PRSS27: variants seen among roughly 807,000 people sequenced by gnomAD.
PRSS27 encodes channel-activating protease 2.
Under a neutral mutation model 32.0 loss-of-function variants are expected in PRSS27, and 25 were observed. The observed-to-expected ratio is 0.78, with a 90% confidence interval of 0.57 to 1.09. The LOEUF (loss-of-function observed/expected upper bound fraction) is 1.09. Among genes scored for constraint, PRSS27 ranks in the 50% least tolerant of loss-of-function variants. PRSS27 has a pLI of 0.00. For missense variants in PRSS27, 401 were observed against 394.9 expected (o/e 1.02, Z -0.13); for synonymous variants, 178 against 172.2 (o/e 1.03, Z -0.26).
At chr16:2,719,886 T>C (rs1161904250) in intron 1 of PRSS27, among the ~76,000 whole-genome samples, 1 of 152,062 alleles carries the variant, frequency 6.6e-6, no homozygotes, top group Admixed American at 6.5e-5. Flanking sequence ...GTTATGCCGG[T>C]GGGGTCCTCT....
At chr16:2,715,494 G>C in intron 3 of PRSS27, 1 of 505,692 alleles carries the variant, frequency 2.0e-6, no homozygotes, top group Middle Eastern at 5.1e-4. Flanking sequence ...GGGGGTCGGG[G>C]GGCGGTGCGA....
rs373839527 is a variant in PRSS27 at position 2,715,848 on chromosome 16, C to A, written c.106G>T (p.Val36Leu). 1 of 1,599,672 alleles carries A rather than the reference C, an allele frequency of 6.3e-7. No homozygotes were observed. Among genetic ancestry groups the A allele is most frequent in the East Asian group, 2.3e-5 (1 of 44,416 alleles). The change falls in exon 3 of 6, where the codon GTG becomes TTG. Residue 36 changes from valine to leucine, a missense_variant. Transcript: ENST00000302641. ...CGRPRMLNRM[V>L]GGQDTQEGEW... ...CCCTCCTGCGTGTCCTGCCCGCCCACCATTCGGTTCAGCATCCTGGGGCGA... is the reference window on the plus strand; with the variant it reads ...CCCTCCTGCGTGTCCTGCCCGCCCAACATTCGGTTCAGCATCCTGGGGCGA...
rs763866931 is a variant in PRSS27 at position 2,715,899 on chromosome 16, C to T, written c.74-19G>A. ...CCACAGGCTGGGGGAGCATGGGGAG[C>T]GGGTGGGGGCGCTCACTGGGGCTGG... On this transcript the variant is annotated intron_variant, in intron 2 of 5. Transcript: ENST00000302641. The T allele has an allele frequency of 1.3e-6, 2 of 1,536,180 alleles. No homozygotes were observed. Among genetic ancestry groups the T allele is most frequent in the Admixed American group, 3.6e-5 (2 of 55,974 alleles).
chr16:2,716,091 G>C, intron 2 of PRSS27: 1 of 521,360 alleles, frequency 1.9e-6, no homozygotes, highest in Admixed American at 3.6e-5. Flanking sequence ...TCCTCGCCGA[G>C]AAAGGCAACC....
Position 2,720,215 on chromosome 16 carries a change from G to T in PRSS27, c.-55C>A, listed in dbSNP as rs1013276998. On this transcript the variant is annotated 5_prime_UTR_variant, in exon 1 of 6. Coordinates refer to ENST00000302641, the MANE Select transcript of PRSS27 (RefSeq NM_031948.5). ...GTGGTCGGCGGTGGCAGAAGCGTTG[G>T]AGCACGAGCGAGGTGCAGGCTCCAT... is the stretch of plus-strand genomic sequence containing the variant. 13 of 1,472,364 alleles carry T rather than the reference G, an allele frequency of 8.8e-6. No individual in the cohort carries two copies. Among genetic ancestry groups the T allele is most frequent in the Non-Finnish European group, 1.0e-5 (11 of 1,077,568 alleles). The allele number at this position is 1,472,364 out of a possible 1,614,324, so 91.2% of individuals were successfully genotyped here. A position where few individuals can be genotyped will look rare whatever the true frequency, so the allele number is the denominator to read the frequency against.
chr16:2,712,913 C>G lies in PRSS27; in HGVS notation c.679-99G>C, dbSNP rs1462153830. ...TGTGTAGCTCCGCAATGGATTCCTT[C>G]TCTCCATCCCAGAGCCTCTCTGCCC... On this transcript the variant is annotated intron_variant, in intron 5 of 5. Transcript: ENST00000302641. This position sits in a 1 kb window ranked among gnomAD's most constrained non-coding sequence, Gnocchi z 4.6. 2 of 965,286 alleles carry G rather than the reference C, an allele frequency of 2.1e-6. No homozygotes were observed. The highest frequency in any genetic ancestry group is 3.3e-5 in the African/African-American group (2 of 60,496). 59.8% of individuals were successfully genotyped at this position (965,286 alleles called of 1,614,324 possible).
Position 2,715,818 on chromosome 16 carries a change from A to G in PRSS27, c.136T>C (p.Trp46Arg). The G allele has an allele frequency of 6.2e-7, 1 of 1,604,954 alleles. No individual in the cohort carries two copies. Among genetic ancestry groups the G allele is most frequent in the South Asian group, 1.1e-5 (1 of 90,114 alleles). The change falls in exon 3 of 6, where the codon TGG becomes CGG. Residue 46 changes from tryptophan (W) to arginine (R), a missense_variant. Physicochemically the swap from Trp to Arg is moderately radical, Grantham distance 101. Coordinates refer to ENST00000302641, the MANE Select transcript of PRSS27 (RefSeq NM_031948.5). ...VGGQDTQEGE[W>R]PWQVSIQRNG... is the part of the protein sequence containing the mutation. ...CGCTGGATGCTGACTTGCCAGGGCC[A>G]CTCGCCCTCCTGCGTGTCCTGCCCG...
Position 2,717,712 on chromosome 16 carries a change from G to T in PRSS27, c.47-1186C>A. 1 of 152,480 alleles carries T rather than the reference G, an allele frequency of 6.6e-6. No individual in the cohort carries two copies. Among genetic ancestry groups the T allele is most frequent in the Non-Finnish European group, 1.5e-5 (1 of 68,172 alleles). The allele number at this position is 152,480 out of a possible 1,614,324, so 9.4% of individuals were successfully genotyped here. A position where few individuals can be genotyped will look rare whatever the true frequency, so the allele number is the denominator to read the frequency against. Reference sequence around the variant, plus strand: ...GGCTGTGGGGACAGGAAGTGGCCATGGAGGGCCCAAGCACCCCCAGGGTTT... The same window carrying T: ...GGCTGTGGGGACAGGAAGTGGCCATTGAGGGCCCAAGCACCCCCAGGGTTT... On this transcript the variant is annotated intron_variant, in intron 1 of 5. Coordinates refer to ENST00000302641, the MANE Select transcript of PRSS27 (RefSeq NM_031948.5). This position sits in a 1 kb window ranked among gnomAD's most constrained non-coding sequence, Gnocchi z 4.1.
rs550374937 is a variant in PRSS27 at position 2,712,623 on chromosome 16, C to A, written c.870G>T (p.Lys290Asn). ...QFQPARLGGQK is the reference protein window; with the variant it reads ...QFQPARLGGQN ...GGGGCTCCTGGCCCCGGGGGTCTCACTTCTGGCCGCCCAACCTCGCTGGCT... is the reference window on the plus strand; with the variant it reads ...GGGGCTCCTGGCCCCGGGGGTCTCAATTCTGGCCGCCCAACCTCGCTGGCT... The change falls in exon 6 of 6, where the codon AAG becomes AAT. Residue 290 changes from lysine to asparagine, a missense_variant. Lys to Asn is a moderately conservative substitution (Grantham distance 94, BLOSUM62 0). Transcript: ENST00000302641. This position sits in a 1 kb window ranked among gnomAD's most constrained non-coding sequence, Gnocchi z 4.6. The A allele has an allele frequency of 1.9e-6, 3 of 1,580,264 alleles. No individual in the cohort carries two copies. The highest frequency in any genetic ancestry group is 1.7e-6 in the Non-Finnish European group (2 of 1,162,920).
At chr16:2,713,783 T>C in intron 4 of PRSS27, 85 bp from the exon 5 acceptor site, 2 of 1,443,300 alleles carry the variant, frequency 1.4e-6, no homozygotes, top group Non-Finnish European at 1.9e-6. Flanking sequence ...CCATCCTGCC[T>C]GTCGTTTCCT....
intron 1 of PRSS27, among the ~76,000 whole-genome samples, chr16:2,718,855 G>A (rs1466465349): frequency 3.9e-5 from 6 of 152,110 alleles, no homozygotes; most frequent in East Asian, 1.9e-4. Flanking sequence ...ATGTGTGGAT[G>A]GACACAAGTG....
At position 2,717,181 on chromosome 16, in the gene PRSS27, G is replaced by A. The variant is rs912839257; in HGVS notation, c.47-655C>T. 6.6e-6 allele frequency: 1 copy of A among 152,616 alleles called. No individual in the cohort carries two copies. The highest frequency in any genetic ancestry group is 2.4e-5 in the African/African-American group (1 of 41,444). 9.5% of individuals were successfully genotyped at this position (152,616 alleles called of 1,614,324 possible). A position where few individuals can be genotyped will look rare whatever the true frequency, so the allele number is the denominator to read the frequency against. ...GTCCCAAGAGCTGACCCCTCTCCCAGGCATGCAGCAGGCTTGGCAGACGAG... is the reference window on the plus strand; with the variant it reads ...GTCCCAAGAGCTGACCCCTCTCCCAAGCATGCAGCAGGCTTGGCAGACGAG... On this transcript the variant is annotated intron_variant, in intron 1 of 5. Coordinates refer to ENST00000302641, the MANE Select transcript of PRSS27 (RefSeq NM_031948.5). The surrounding 1 kb of genome is among the most constrained non-coding windows in gnomAD (Gnocchi z 4.1).
chr16:2,714,277 C>G lies in PRSS27; in HGVS notation c.296G>C (p.Gly99Ala), dbSNP rs142731537. The change falls in exon 4 of 6, where the codon GGA becomes GCA. Residue 99 changes from glycine (G) to alanine (A), a missense_variant. Transcript: ENST00000302641. The surrounding 1 kb of genome is among the most constrained non-coding windows in gnomAD (Gnocchi z 4.7). Reference protein sequence around the residue: ...LLGARQLVQPGPHAMYARVRQ... With the variant: ...LLGARQLVQPAPHAMYARVRQ... ...CACCCGGGCATACATAGCGTGTGGT[C>G]CCGGCTGCACTAGCTGCCTTGCCCC... 53 of 1,613,226 alleles carry G rather than the reference C, an allele frequency of 3.3e-5. No homozygotes were observed. The highest frequency in any genetic ancestry group is 4.4e-5 in the Non-Finnish European group (52 of 1,179,850).
intron 5 of PRSS27, 173 bp downstream of exon 5, chr16:2,713,356 C>T: frequency 1.4e-6 from 1 of 703,906 alleles, no homozygotes. Context: ...CCTTGGCCTC[C>T]CAAAGTGCTG....
Position 2,716,097 on chromosome 16 carries a change from C to A in PRSS27, c.74-217G>T, listed in dbSNP as rs1352530211. 3 of 534,842 alleles carry A rather than the reference C, an allele frequency of 5.6e-6. No homozygotes were observed. In the African/African-American group the frequency reaches 5.8e-5, roughly 10 times the overall value. 33.1% of individuals were successfully genotyped at this position (534,842 alleles called of 1,614,324 possible). The stretch of plus-strand genomic sequence containing the variant: ...GTCTCACTCTCCTCGCCGAGAAAGG[C>A]AACCTAACACCTGCCTCTTGGGGGC... On this transcript the variant is annotated intron_variant, in intron 2 of 5. Coordinates refer to ENST00000302641, the MANE Select transcript of PRSS27 (RefSeq NM_031948.5).
intron 3 of PRSS27, chr16:2,715,494 G>T: frequency 2.0e-6 from 1 of 505,688 alleles, no homozygotes; most frequent in Non-Finnish European, 3.5e-6. Context: ...GGGGGTCGGG[G>T]GGCGGTGCGA....
At position 2,720,108 on chromosome 16, in the gene PRSS27, G is replaced by C. The variant is rs912434335; in HGVS notation, c.46+7C>G. 6.2e-7 allele frequency: 1 copy of C among 1,601,036 alleles called. No individual in the cohort carries two copies. ...CACCACCAGGACCCTGCACCTTCAC[G>C]ACTCACCAAAACACAGCAGCAGCAG... is the stretch of plus-strand genomic sequence containing the variant. On this transcript the variant is annotated splice_region_variant and intron_variant, in intron 1 of 5. Transcript: ENST00000302641.
chr16:2,716,929 T>G, intron 1 of PRSS27: 2 of 237,180 alleles, frequency 8.4e-6, no homozygotes, highest in South Asian at 8.0e-5. Flanking sequence ...AGGTTGGCCT[T>G]TCCTCCCGGA....
chr16:2,714,877 C>A lies in PRSS27; in HGVS notation c.237-541G>T. ...CCTCAGCTTCCTGAGTACTTGGGAC[C>A]ACAGGCACCACTGCACCTGGGGTTT... is the stretch of plus-strand genomic sequence containing the variant. On this transcript the variant is annotated intron_variant, in intron 3 of 5. Transcript: ENST00000302641. This position sits in a 1 kb window ranked among gnomAD's most constrained non-coding sequence, Gnocchi z 4.7. 6.3e-6 allele frequency: 1 copy of A among 157,624 alleles called. No individual in the cohort carries two copies. Among genetic ancestry groups the A allele is most frequent in the Non-Finnish European group, 1.4e-5 (1 of 71,722 alleles). The allele number at this position is 157,624 out of a possible 1,614,324, so 9.8% of individuals were successfully genotyped here.
Sources: gnomAD v4.1 joint callset for allele counts (sites outside exome capture counted in the v4.1 genomes callset) on GRCh38, gnomAD v4.1.1 for gene constraint, Gnocchi (gnomAD v3.1) non-coding constraint, MANE v1.5 for transcripts, NCBI Gene and HGNC (gene_info 2026-07-23, HGNC 2026-07-21) for gene names.